SUN2: variants seen among roughly 807,000 people sequenced by gnomAD.
The protein encoded by SUN2 is Sad1 and UNC84 domain containing 2.
Under a neutral mutation model 100.0 loss-of-function variants are expected in SUN2, and 60 were observed. The observed-to-expected ratio is 0.60, with a 90% CI of 0.49 to 0.74. The LOEUF is 0.74. Among genes scored for constraint, SUN2 ranks in the 30% least tolerant of loss-of-function variants. The pLI is 0.00. For missense variants in SUN2, 834 were observed against 954.6 expected (o/e 0.87, Z 1.66); for synonymous variants, 367 against 403.3 (o/e 0.91, Z 1.08).
chr22:38,749,051 T>G (rs2092924564), intron 6 of SUN2: 1 of 442,446 alleles, frequency 2.3e-6, no homozygotes, highest in Admixed American at 3.6e-5. Context: ...ACTCAAAAAT[T>G]TTTATATGGA....
chr22:38,754,208 C>G lies in SUN2; in HGVS notation c.-37-1543G>C, dbSNP rs1274662896. 2.0e-5 allele frequency among the ~76,000 whole-genome samples: 3 copies of G among 152,236 alleles called. 1 individual carries two copies. The highest frequency in any genetic ancestry group is 2.0e-4 in the Admixed American group (3 of 15,292). On this transcript the variant is annotated intron_variant, in intron 1 of 17. Transcript: ENST00000689035. ...AGACACCCGAATTCAAAGTCCCCGA[C>G]TGCCAACATGGGGAGTCTCAACGTT...
chr22:38,748,659 C>A (rs2092921750), intron 7 of SUN2, 54 bp downstream of exon 7: 1 of 1,596,768 alleles, frequency 6.3e-7, no homozygotes, highest in Non-Finnish European at 8.6e-7. Flanking sequence ...AAGGTCACCA[C>A]CCTCTGGTGA....
intron 3 of SUN2, 52 bp downstream of exon 3, chr22:38,751,158 C>A: frequency 6.2e-7 from 1 of 1,604,528 alleles, no homozygotes; most frequent in South Asian, 1.1e-5. Flanking sequence ...TGAGGAGTAT[C>A]TCGCGGGAGG....
At position 38,737,371 on chromosome 22, in the gene SUN2, G is replaced by A. The variant is rs759586143; in HGVS notation, c.2040+802C>T. Reference sequence around the variant, plus strand: ...GGACATTCACGACCCTCCCTGCTACGTCTTTGTCCTCACTCCCAACGCCCC... The same window carrying A: ...GGACATTCACGACCCTCCCTGCTACATCTTTGTCCTCACTCCCAACGCCCC... On this transcript the variant is annotated intron_variant, in intron 17 of 17. Coordinates refer to ENST00000689035, the MANE Select transcript of SUN2 (RefSeq NM_015374.3). This position sits in a 1 kb window ranked among gnomAD's most constrained non-coding sequence, Gnocchi z 4.1. Among the ~76,000 whole-genome samples, 11 of 151,888 alleles carry A rather than the reference G, an allele frequency of 7.2e-5. No homozygotes were observed. Among genetic ancestry groups the A allele is most frequent in the Non-Finnish European group, 1.6e-4 (11 of 67,990 alleles).
rs531135948 is a variant in SUN2 at position 38,740,109 on chromosome 22, C to G, written c.1356+158G>C. On this transcript the variant is annotated intron_variant, in intron 12 of 17. Coordinates refer to ENST00000689035, the MANE Select transcript of SUN2 (RefSeq NM_015374.3). The surrounding 1 kb of genome is among the most constrained non-coding windows in gnomAD (Gnocchi z 4.8). ...GGCACTAACAAAAACAGGAAGAACGCCTGTCAGTGAGAGCCCACATGTGTC... is the reference window on the plus strand; with the variant it reads ...GGCACTAACAAAAACAGGAAGAACGGCTGTCAGTGAGAGCCCACATGTGTC... Among the ~76,000 whole-genome samples the G allele has an allele frequency of 1.3e-5, 2 of 152,346 alleles. No individual in the cohort carries two copies. Among genetic ancestry groups the G allele is most frequent in the Non-Finnish European group, 2.9e-5 (2 of 68,026 alleles).
At position 38,740,278 on chromosome 22, in the gene SUN2, C is replaced by T. The variant is rs117350165; in HGVS notation, c.1345G>A (p.Val449Met). The change falls in exon 12 of 18, where the codon GTG (valine) becomes ATG (methionine). Residue 449 changes from valine to methionine, a missense_variant. Val to Met is a conservative substitution (Grantham distance 21). This residue lies in a region of SUN2 where 559 missense variants were observed against 597.7 expected (regional missense o/e 0.94). Transcript: ENST00000689035. This position sits in a 1 kb window ranked among gnomAD's most constrained non-coding sequence, Gnocchi z 4.8. The stretch of plus-strand genomic sequence containing the variant: ...TGGTTCCCACTCACGTCGTCCCGCA[C>T]GGCCTGGATCTGCTGGGGCAGCAGG... The part of the protein sequence containing the change: ...VGLLPQQIQA[V>M]RDDVESQFPA... The T allele has an allele frequency of 1.8e-4, 290 of 1,592,958 alleles. 2 individuals are homozygous for T. The East Asian group carries it at 5.5e-3, about 30-fold the overall frequency.
intron 17 of SUN2, chr22:38,736,723 C>T (rs1000536773): frequency 4.7e-5 from 9 of 192,730 alleles, no homozygotes; most frequent in South Asian, 4.3e-4. Context: ...CAGTGCCCAT[C>T]GGGCCTCTGT....
intron 1 of SUN2, chr22:38,754,905 T>C: frequency 7.8e-7 from 1 of 1,289,210 alleles, no homozygotes; most frequent in Non-Finnish European, 1.0e-6. Context: ...TACCATTGAG[T>C]CTGGGTTTCA....
chr22:38,741,195 C>G (rs2092854481), intron 10 of SUN2, 145 bp from the exon 11 acceptor site: 2 of 911,496 alleles, frequency 2.2e-6, no homozygotes, highest in Admixed American at 4.1e-5. Flanking sequence ...TCAAACTGGC[C>G]TCCTTGTCAA....
In SUN2 at chr22:38,738,183, A is replaced by T. The variant is rs1447580575; in HGVS notation, c.2030T>A (p.Phe677Tyr). 1 of 1,613,942 alleles carries T rather than the reference A, an allele frequency of 6.2e-7. No homozygotes were observed. Among genetic ancestry groups the T allele is most frequent in the Admixed American group, 1.7e-5 (1 of 60,026 alleles). The change falls in exon 17 of 18, where the codon TTT (phenylalanine) becomes TAT (tyrosine). Residue 677 changes from phenylalanine (F) to tyrosine (Y), a missense_variant. This residue lies in a region of SUN2 where 80 missense variants were observed against 76.7 expected (regional missense o/e 1.04). Transcript: ENST00000689035. This position sits in a 1 kb window ranked among gnomAD's most constrained non-coding sequence, Gnocchi z 6.6. Reference sequence around the variant, plus strand: ...AGCAGCATCCCGTACCTGAAAGTGAAACGTCTGAATAGGCTCGCCGTCCTG... The same window carrying T: ...AGCAGCATCCCGTACCTGAAAGTGATACGTCTGAATAGGCTCGCCGTCCTG... ...YDQDGEPIQTFHFQAPTMATY... is the reference protein window; with the variant it reads ...YDQDGEPIQTYHFQAPTMATY...
rs192856026 is a variant in SUN2, at chr22:38,753,206, T to C, written c.-37-541A>G. On this transcript the variant is annotated intron_variant, in intron 1 of 17. Coordinates refer to ENST00000689035, the MANE Select transcript of SUN2 (RefSeq NM_015374.3). ...ACCTTTCCCATGTAGACCCCACCTATGTTCTTTTTTTTTTTTTTTTTTTTT... is the reference window on the plus strand; with the variant it reads ...ACCTTTCCCATGTAGACCCCACCTACGTTCTTTTTTTTTTTTTTTTTTTTT... Among the ~76,000 whole-genome samples the C allele has an allele frequency of 4.2e-3, 597 of 143,340 alleles. 5 individuals carry two copies. The highest frequency in any genetic ancestry group is 0.015 in the African/African-American group (575 of 37,248). The allele number at this position is 143,340 out of a possible 152,430, so 94.0% of individuals were successfully genotyped here. A position where few individuals can be genotyped will look rare whatever the true frequency, so the allele number is the denominator to read the frequency against.
At chr22:38,746,529 A>G (rs1193068313) in intron 7 of SUN2, among the ~76,000 whole-genome samples, 1 of 152,196 alleles carries the variant, frequency 6.6e-6, no homozygotes, top group Non-Finnish European at 1.5e-5. Flanking sequence ...AAGGAAGCTC[A>G]TGCCCATGGG....
chr22:38,754,626 C>G (rs1603233155), intron 1 of SUN2: 3 of 996,302 alleles, frequency 3.0e-6, no homozygotes, highest in Non-Finnish European at 4.1e-6. Context: ...CCCTGCCCCG[C>G]CCGTACGGTC....
chr22:38,738,157 C>T lies in SUN2; in HGVS notation c.2040+16G>A. On this transcript the variant is annotated intron_variant, in intron 17 of 17. Coordinates refer to ENST00000689035, the MANE Select transcript of SUN2 (RefSeq NM_015374.3). This position sits in a 1 kb window ranked among gnomAD's most constrained non-coding sequence, Gnocchi z 6.6. ...GGAGTCTGCGCCACTTCTGCTAGCACAGCAGCATCCCGTACCTGAAAGTGA... is the reference window on the plus strand; with the variant it reads ...GGAGTCTGCGCCACTTCTGCTAGCATAGCAGCATCCCGTACCTGAAAGTGA... The T allele has an allele frequency of 6.2e-7, 1 of 1,612,724 alleles. No individual in the cohort carries two copies. Among genetic ancestry groups the T allele is most frequent in the Non-Finnish European group, 8.5e-7 (1 of 1,178,894 alleles).
At chr22:38,754,677 T>TATAAG (rs1374719658) in intron 1 of SUN2, 2 of 1,280,682 alleles carry the variant, frequency 1.6e-6, no homozygotes, top group East Asian at 1.2e-4. Flanking sequence ...GGACTCCTCT[T>TATAAG]AGCCTCTGTC....
At chr22:38,750,189 A>T (rs796428150) in intron 5 of SUN2, 36 bp downstream of exon 5, 1 of 1,599,976 alleles carries the variant, frequency 6.3e-7, no homozygotes, top group African/African-American at 1.3e-5. Context: ...CACTATCACC[A>T]AGAATGGAAG....
In SUN2 at chr22:38,755,169, C is replaced by T. The variant is rs1484972886; in HGVS notation, c.-38+594G>A. 1 of 1,111,024 alleles carries T rather than the reference C, an allele frequency of 9.0e-7. No individual in the cohort carries two copies. The highest frequency in any genetic ancestry group is 1.1e-6 in the Non-Finnish European group (1 of 871,052). The allele number at this position is 1,111,024 out of a possible 1,614,324, so 68.8% of individuals were successfully genotyped here. On this transcript the variant is annotated intron_variant, in intron 1 of 17. Transcript: ENST00000689035. The surrounding 1 kb of genome is among the most constrained non-coding windows in gnomAD (Gnocchi z 5.7). ...TAAACCAGATCTGGGGCATCTTCCTCGTGACATTTCCACTCCCTGGGCACA... is the reference window on the plus strand; with the variant it reads ...TAAACCAGATCTGGGGCATCTTCCTTGTGACATTTCCACTCCCTGGGCACA...
intron 1 of SUN2, among the ~76,000 whole-genome samples, chr22:38,753,927 A>T (rs944011279): frequency 9.9e-5 from 15 of 152,212 alleles, no homozygotes; most frequent in African/African-American, 3.4e-4. Flanking sequence ...GTGTGTCCTC[A>T]GCTAGAATCT....
At position 38,740,885 on chromosome 22, in the gene SUN2, C is replaced by G; in HGVS notation, c.1190+122G>C. 3 of 1,129,910 alleles carry G rather than the reference C, an allele frequency of 2.7e-6. No individual in the cohort carries two copies. Among genetic ancestry groups the G allele is most frequent in the Non-Finnish European group, 3.9e-6 (3 of 777,458 alleles). 70.0% of individuals were successfully genotyped at this position (1,129,910 alleles called of 1,614,324 possible). On this transcript the variant is annotated intron_variant, in intron 11 of 17. Transcript: ENST00000689035. The surrounding 1 kb of genome is among the most constrained non-coding windows in gnomAD (Gnocchi z 4.8). ...CTGAGCTGGGTTTCAACCCCTCCCC[C>G]TACCATCTGCTTGGCAAGATGATCA...
Sources: allele counts gnomAD v4.1 joint callset (sites outside exome capture counted in the v4.1 genomes callset), GRCh38; gene constraint gnomAD v4.1.1; regional missense constraint gnomAD v4.1.1; non-coding constraint Gnocchi (gnomAD v3.1); transcripts MANE v1.5; gene names NCBI Gene and HGNC (gene_info 2026-07-23, HGNC 2026-07-21).